The following CAPN1 variants were observed in gnomAD, a reference collection of about 807,000 sequenced individuals.
CAPN1 encodes calpain 1.
Under a neutral mutation model 105.2 loss-of-function variants are expected in CAPN1, and 77 were observed. The observed-to-expected ratio is 0.73, with a 90% CI of 0.61 to 0.88. The LOEUF is 0.88. CAPN1 is among the 40% of genes least tolerant of loss of function. CAPN1 has a pLI of 0.00. For synonymous variants in CAPN1, 355 were observed against 388.8 expected (o/e 0.91, Z 1.02); for missense variants, 833 against 976.6 (o/e 0.85, Z 1.96).
In CAPN1 at chr11:65,211,468, T is replaced by C; in HGVS notation, c.*182T>C. 1.6e-6 allele frequency: 1 copy of C among 641,898 alleles called. No individual in the cohort carries two copies. The highest frequency in any genetic ancestry group is 1.8e-5 in the South Asian group (1 of 56,044). The allele number at this position is 641,898 out of a possible 1,614,324, so 39.8% of individuals were successfully genotyped here. A position where few individuals can be genotyped will look rare whatever the true frequency, so the allele number is the denominator to read the frequency against. ...CGTTCATCTGCTCCGGGCAGAACTG[T>C]GTGGCCCCTGCCTGTGCCAGCCATG... On this transcript the variant is annotated 3_prime_UTR_variant, in exon 22 of 22. Coordinates refer to ENST00000279247, the MANE Select transcript of CAPN1 (RefSeq NM_005186.4).
Position 65,210,957 on chromosome 11 carries a change from T to A in CAPN1, c.2118+85T>A. 8.1e-7 allele frequency: 1 copy of A among 1,239,032 alleles called. No individual in the cohort carries two copies. The highest frequency in any genetic ancestry group is 1.2e-6 in the Non-Finnish European group (1 of 839,902). 76.8% of individuals were successfully genotyped at this position (1,239,032 alleles called of 1,614,324 possible). ...CTGGCCAGTGTTCCCTGTCCTTTCCTGGAAATGAGCCTGGGCCTCAGAGCC... is the reference window on the plus strand; with the variant it reads ...CTGGCCAGTGTTCCCTGTCCTTTCCAGGAAATGAGCCTGGGCCTCAGAGCC... On this transcript the variant is annotated intron_variant, in intron 21 of 21. Transcript: ENST00000279247. The surrounding 1 kb of genome is among the most constrained non-coding windows in gnomAD (Gnocchi z 4.3).
rs1590846262 is a variant in CAPN1 at position 65,182,716 on chromosome 11, C to A, written c.15C>A (p.Ile5=). 8 of 1,571,214 alleles carry A rather than the reference C, an allele frequency of 5.1e-6. No homozygotes were observed. Among genetic ancestry groups the A allele is most frequent in the Non-Finnish European group, 6.9e-6 (8 of 1,157,932 alleles). The stretch of plus-strand genomic sequence containing the variant: ...TGTCCGGCAGGATGTCGGAGGAGAT[C>A]ATCACGCCGGTGTACTGCACTGGGG... MSEE[I]ITPVYCTGVS... is the part of the protein sequence containing the mutation. The change falls in exon 2 of 22, where the codon ATC becomes ATA. Residue 5 remains isoleucine (I), a synonymous_variant. Transcript: ENST00000279247.
intron 10 of CAPN1, among the ~76,000 whole-genome samples, chr11:65,192,057 G>A (rs1948726242): frequency 6.6e-6 from 1 of 152,036 alleles, no homozygotes; most frequent in African/African-American, 2.4e-5. Flanking sequence ...AATACAGTGA[G>A]ACCTCATCTC....
rs775306373 is a variant in CAPN1 at position 65,204,754 on chromosome 11, C to T, written c.1237C>T (p.Arg413Cys). 4 of 1,612,998 alleles carry T rather than the reference C, an allele frequency of 2.5e-6. No individual in the cohort carries two copies. The highest frequency in any genetic ancestry group is 2.7e-5 in the African/African-American group (2 of 74,940). Residue 413 changes from arginine to cysteine, a missense_variant, in exon 11 of 22, where the codon CGC (arginine) becomes TGC (cysteine). Transcript: ENST00000279247. Reference protein sequence around the residue: ...ETDDPDDYGDRESGCSFVLAL... With the variant: ...ETDDPDDYGDCESGCSFVLAL... ...GGATGACCCGGACGACTACGGGGAC[C>T]GCGAGTCAGGCTGCAGCTTCGTGCT...
chr11:65,195,104 T>G (rs1948773613), intron 10 of CAPN1, among the ~76,000 whole-genome samples: 2 of 139,548 alleles, frequency 1.4e-5, no homozygotes, highest in Admixed American at 7.1e-5. Context: ...TTTGGGGTTT[T>G]TTTTTTTTTT....
rs767828893 is a variant in CAPN1, at chr11:65,188,411, C to T, written c.930-3C>T. 8 of 1,608,762 alleles carry T rather than the reference C, an allele frequency of 5.0e-6. No individual in the cohort carries two copies. Among genetic ancestry groups the T allele is most frequent in the African/African-American group, 4.0e-5 (3 of 74,790 alleles). On this transcript the variant is annotated splice_region_variant and splice_polypyrimidine_tract_variant and intron_variant, in intron 8 of 21. Coordinates refer to ENST00000279247, the MANE Select transcript of CAPN1 (RefSeq NM_005186.4). This position sits in a 1 kb window ranked among gnomAD's most constrained non-coding sequence, Gnocchi z 5.5. ...AGCCCTGGCAGAGCCCTGCTCCTCA[C>T]AGCTCCTCAGAGTGGAACAACGTGG...
In CAPN1 at chr11:65,188,206, C is replaced by A; in HGVS notation, c.929+166C>A. The A allele has an allele frequency of 1.5e-6, 1 of 689,160 alleles. No homozygotes were observed. 42.7% of individuals were successfully genotyped at this position (689,160 alleles called of 1,614,324 possible). The stretch of plus-strand genomic sequence containing the variant: ...CTGCTCTGACAAAGCTCAGGCCGTG[C>A]GGGCCCCTGTGCCCAGCCGTCGGGT... On this transcript the variant is annotated intron_variant, in intron 8 of 21. Transcript: ENST00000279247. The surrounding 1 kb of genome is among the most constrained non-coding windows in gnomAD (Gnocchi z 5.5).
Position 65,206,797 on chromosome 11 carries a change from T to A in CAPN1, c.1583T>A (p.Ile528Asn). 1 of 1,612,704 alleles carries A rather than the reference T, an allele frequency of 6.2e-7. No homozygotes were observed. The highest frequency in any genetic ancestry group is 8.5e-7 in the Non-Finnish European group (1 of 1,179,528). ...CTCTGCAGGGAGCTGGATGACCAGA[T>A]CCAGGCCAATCTCCCCGATGAGGTG... ...SAGTVELDDQ[I>N]QANLPDEQVL... is the part of the protein sequence containing the mutation. Residue 528 changes from isoleucine (I) to asparagine (N), a missense_variant, in exon 14 of 22, where the codon ATC (isoleucine) becomes AAC (asparagine). Physicochemically the swap from Ile to Asn is moderately radical, Grantham distance 149. Transcript: ENST00000279247.
In CAPN1 at chr11:65,210,286, G is replaced by C. The variant is rs769114697; in HGVS notation, c.1943-50G>C. 20 of 1,376,998 alleles carry C rather than the reference G, an allele frequency of 1.5e-5. No homozygotes were observed. The Admixed American group carries it at 2.9e-4, about 20-fold the overall frequency. The allele number at this position is 1,376,998 out of a possible 1,614,324, so 85.3% of individuals were successfully genotyped here. ...GGGGACCCAACCCCTCCCCCATCCT[G>C]TTGGGCAGGGGCTGCGCCTCACTGA... On this transcript the variant is annotated intron_variant, in intron 19 of 21. Transcript: ENST00000279247. The surrounding 1 kb of genome is among the most constrained non-coding windows in gnomAD (Gnocchi z 4.3).
rs753019478 is a variant in CAPN1 at position 65,206,643 on chromosome 11, C to T, written c.1534C>T (p.Arg512Cys). The change falls in exon 13 of 22, where the codon CGC becomes TGC. Residue 512 changes from arginine (R) to cysteine (C), a missense_variant. Physicochemically the swap from Arg to Cys is radical, Grantham distance 180. Coordinates refer to ENST00000279247, the MANE Select transcript of CAPN1 (RefSeq NM_005186.4). ...EPNKEGDFVL[R>C]FFSEKSAGTV... ...CAACAAGGAGGGCGACTTCGTGCTG[C>T]GCTTCTTCTCAGAGAAGAGTGCTGG... 2.5e-6 allele frequency: 4 copies of T among 1,613,264 alleles called. No individual in the cohort carries two copies. The highest frequency in any genetic ancestry group is 3.3e-5 in the Admixed American group (2 of 60,000).
chr11:65,205,824 C>A, intron 12 of CAPN1, 103 bp downstream of exon 12: 1 of 1,007,986 alleles, frequency 9.9e-7, no homozygotes, highest in South Asian at 1.3e-5. Flanking sequence ...GCTAAGAAGT[C>A]ACCTTGTTTC....
At chr11:65,206,040 C>A in intron 12 of CAPN1, 1 of 523,272 alleles carries the variant, frequency 1.9e-6, no homozygotes, top group Non-Finnish European at 3.4e-6. Context: ...ATGTCAGGAG[C>A]AGGGCATTAG....
At chr11:65,187,882 ACT>A (rs773863845) in intron 7 of CAPN1, 71 bp from the exon 8 acceptor site, 5 of 1,054,812 alleles carry the variant, frequency 4.7e-6, no homozygotes, top group South Asian at 1.3e-5. Context: ...ACAGAGCAAG[ACT>A]CTGTCTCAAA....
chr11:65,198,801 A>T (rs1457151253), intron 10 of CAPN1, among the ~76,000 whole-genome samples: 1 of 152,166 alleles, frequency 6.6e-6, no homozygotes, highest in African/African-American at 2.4e-5. Flanking sequence ...CTAGGACTAC[A>T]GGCACATGCC....
Position 65,204,734 on chromosome 11 carries a change from A to C in CAPN1, c.1217A>C (p.Asp406Ala), listed in dbSNP as rs890953497. 1.9e-6 allele frequency: 3 copies of C among 1,613,122 alleles called. No homozygotes were observed. Among genetic ancestry groups the C allele is most frequent in the Non-Finnish European group, 2.5e-6 (3 of 1,179,822 alleles). ...QFKIRLDETD[D>A]PDDYGDRESG... ...AAGATCCGGCTGGATGAGACGGATG[A>C]CCCGGACGACTACGGGGACCGCGAG... is the stretch of plus-strand genomic sequence containing the variant. Residue 406 changes from aspartate (D) to alanine (A), a missense_variant, in exon 11 of 22, where the codon GAC (aspartate) becomes GCC (alanine). Physicochemically the swap from Asp to Ala is moderately radical, Grantham distance 126. Coordinates refer to ENST00000279247, the MANE Select transcript of CAPN1 (RefSeq NM_005186.4).
At chr11:65,202,943 A>T (rs1214977559) in intron 10 of CAPN1, among the ~76,000 whole-genome samples, 1 of 152,002 alleles carries the variant, frequency 6.6e-6, no homozygotes, top group Non-Finnish European at 1.5e-5. Flanking sequence ...ATCTCTATGG[A>T]TTTGCCTACT....
At chr11:65,206,267 T>G in intron 12 of CAPN1, 196 bp from the exon 13 acceptor site, 1 of 599,946 alleles carries the variant, frequency 1.7e-6, no homozygotes, top group Non-Finnish European at 3.0e-6. Context: ...CTGCAGTGAG[T>G]AGGGTTGTTA....
chr11:65,204,847 G>A lies in CAPN1; in HGVS notation c.1330G>A (p.Ala444Thr), dbSNP rs1241266066. The stretch of plus-strand genomic sequence containing the variant: ...CCGCGACATGGAGACTATTGGCTTC[G>A]CGGTCTACGAGGTCAGGAGGGTGGA... ...FGRDMETIGF[A>T]VYEVPPELVG... The change falls in exon 11 of 22, where the codon GCG becomes ACG. Residue 444 changes from alanine to threonine, a missense_variant. Coordinates refer to ENST00000279247, the MANE Select transcript of CAPN1 (RefSeq NM_005186.4). 1 of 1,608,456 alleles carries A rather than the reference G, an allele frequency of 6.2e-7. No individual in the cohort carries two copies. The highest frequency in any genetic ancestry group is 8.5e-7 in the Non-Finnish European group (1 of 1,176,614).
At position 65,183,162 on chromosome 11, in the gene CAPN1, G is replaced by A. The variant is rs534135243; in HGVS notation, c.302G>A (p.Gly101Glu). The A allele has an allele frequency of 3.7e-6, 6 of 1,613,914 alleles. No homozygotes were observed. ...TCAAACCCCCAGTTCATTGTGGATG[G>A]AGCTACCCGCACAGACATCTGCCAG... ...LLSNPQFIVD[G>E]ATRTDICQGA... Residue 101 changes from glycine (G) to glutamate (E), a missense_variant, in exon 3 of 22, where the codon GGA becomes GAA. Physicochemically the swap from Gly to Glu is moderately conservative, Grantham distance 98. Transcript: ENST00000279247.
Sources: allele counts gnomAD v4.1 joint callset (sites outside exome capture counted in the v4.1 genomes callset), GRCh38; gene constraint gnomAD v4.1.1; non-coding constraint Gnocchi (gnomAD v3.1); transcripts MANE v1.5; gene names NCBI Gene and HGNC (gene_info 2026-07-23, HGNC 2026-07-21).